Variants in FRMD4B observed in about 807,000 individuals in gnomAD.
FRMD4B encodes the protein FERM domain containing 4B, also known as FERM domain-containing protein 4B.
In FRMD4B, 74 loss-of-function variants were observed where a neutral mutation model predicts 141.5. That is an observed-to-expected ratio of 0.52 (90% CI 0.43 to 0.63). The LOEUF (loss-of-function observed/expected upper bound fraction) is 0.63. Among genes scored for constraint, FRMD4B ranks in the 30% least tolerant of loss-of-function variants. The pLI, the probability that FRMD4B is intolerant of heterozygous loss-of-function variation, is 0.00. For missense variants in FRMD4B, 1,366 were observed against 1,253.4 expected (o/e 1.09, Z -1.36); for synonymous variants, 506 against 467.9 (o/e 1.08, Z -1.05).
Position 69,195,951 on chromosome 3 carries a change from C to A in FRMD4B, c.1234+304G>T, listed in dbSNP as rs77444823. 8.4e-3 allele frequency among the ~76,000 whole-genome samples: 1,285 copies of A among 152,198 alleles called. 9 individuals carry two copies. Among genetic ancestry groups the A allele is most frequent in the Middle Eastern group, 0.024 (7 of 294 alleles). On this transcript the variant is annotated intron_variant, in intron 14 of 22. Transcript: ENST00000398540. ...ATTGCATGGAGAATTAGACAATTAT[C>A]TGTATCAAAAACTGAATGCTGGAAA...
chr3:69,491,399 G>A lies in FRMD4B; in HGVS notation c.-129+50807C>T, dbSNP rs183285759. ...GAAAAAAGAAAGAAAAAGATAAGAT[G>A]AGAAGAAAATGTTTTAAAATAAAAA... On this transcript the variant is annotated intron_variant, in intron 1 of 5. Coordinates refer to the FRMD4B transcript ENST00000459638. Among the ~76,000 whole-genome samples, 6 of 152,186 alleles carry A rather than the reference G, an allele frequency of 3.9e-5. No homozygotes were observed. In the East Asian group the frequency reaches 1.2e-3, roughly 29 times the overall value.
intron 1 of FRMD4B, among the ~76,000 whole-genome samples, chr3:69,467,711 C>A (rs76664756): frequency 6.6e-6 from 1 of 152,134 alleles, no homozygotes; most frequent in African/African-American, 2.4e-5. Context: ...CTAGTATATA[C>A]CTCCCAACTC....
At chr3:69,474,701 T>TTG (rs10663128) in intron 1 of FRMD4B, among the ~76,000 whole-genome samples, 29,362 of 152,134 alleles carry the variant, frequency 0.19, 3,490 homozygotes, top group African/African-American at 0.34. Context: ...GCTGCCGATC[T>TTG]TGTGTGCTAT....
At chr3:69,318,672 C>G (rs1208738604) in intron 1 of FRMD4B, among the ~76,000 whole-genome samples, 1 of 152,194 alleles carries the variant, frequency 6.6e-6, no homozygotes, top group Non-Finnish European at 1.5e-5. Context: ...GCCCTTGTCA[C>G]TTATTTAAAT....
intron 2 of FRMD4B, among the ~76,000 whole-genome samples, chr3:69,401,593 G>A (rs578198544): frequency 3.9e-5 from 6 of 151,984 alleles, no homozygotes; most frequent in East Asian, 1.9e-4. Flanking sequence ...TCTGCCACCC[G>A]GGCTGAAGTG....
chr3:69,351,514 C>T (rs761680201), intron 1 of FRMD4B, among the ~76,000 whole-genome samples: 17 of 152,154 alleles, frequency 1.1e-4, no homozygotes, highest in Non-Finnish European at 1.8e-4. Flanking sequence ...CTTTTGCACA[C>T]CTGTGCACAG....
At chr3:69,394,139 A>C (rs563701422) in intron 2 of FRMD4B, among the ~76,000 whole-genome samples, 8 of 152,368 alleles carry the variant, frequency 5.3e-5, no homozygotes, top group African/African-American at 1.9e-4. Flanking sequence ...GCTGGGAAGT[A>C]CAAGATCAAG....
At chr3:69,335,386 T>C (rs1310567303) in intron 1 of FRMD4B, among the ~76,000 whole-genome samples, 1 of 151,276 alleles carries the variant, frequency 6.6e-6, no homozygotes, top group Non-Finnish European at 1.5e-5. Flanking sequence ...TTTTTTTTTT[T>C]TTCCGAGACA....
chr3:69,474,715 T>A (rs569112422), intron 1 of FRMD4B, among the ~76,000 whole-genome samples: 1 of 152,160 alleles, frequency 6.6e-6, no homozygotes, highest in Non-Finnish European at 1.5e-5. Flanking sequence ...GTGCTATTAC[T>A]CATCCATTCA....
At chr3:69,208,355 C>G (rs750370102) in intron 11 of FRMD4B, among the ~76,000 whole-genome samples, 34 of 152,004 alleles carry the variant, frequency 2.2e-4, no homozygotes, top group Middle Eastern at 3.2e-3. Context: ...TGAGCCACCA[C>G]GCCTGGCCTA....
At chr3:69,266,371 G>A (rs1446185201) in intron 5 of FRMD4B, among the ~76,000 whole-genome samples, 3 of 152,178 alleles carry the variant, frequency 2.0e-5, no homozygotes, top group Non-Finnish European at 2.9e-5. Flanking sequence ...TGCCGCCCAG[G>A]CTGGAGTGTG....
intron 7 of FRMD4B, among the ~76,000 whole-genome samples, chr3:69,235,497 A>G (rs895280981): frequency 4.0e-5 from 6 of 151,836 alleles, no homozygotes; most frequent in African/African-American, 1.2e-4. Flanking sequence ...TGTCTCTACT[A>G]AAAATACAAA....
intron 1 of FRMD4B, among the ~76,000 whole-genome samples, chr3:69,350,737 C>T (rs1703114325): frequency 6.7e-6 from 1 of 150,340 alleles, no homozygotes; most frequent in Non-Finnish European, 1.5e-5. Flanking sequence ...AATAACCAAA[C>T]ACTGCATGTT....
chr3:69,540,636 A>ATAT (rs869069411), intron 1 of FRMD4B, among the ~76,000 whole-genome samples: 9 of 69,536 alleles, frequency 1.3e-4, no homozygotes, highest in South Asian at 9.2e-4. Flanking sequence ...AAAAAAAAAA[A>ATAT]ATATATATAT....
intron 2 of FRMD4B, among the ~76,000 whole-genome samples, chr3:69,393,081 T>C (rs1220540747): frequency 6.6e-6 from 1 of 152,148 alleles, no homozygotes; most frequent in Non-Finnish European, 1.5e-5. Context: ...GCTGCCTTCA[T>C]GACTATGAAT....
At chr3:69,357,148 T>G (rs866891059) in intron 1 of FRMD4B, among the ~76,000 whole-genome samples, 3 of 152,106 alleles carry the variant, frequency 2.0e-5, no homozygotes, top group Admixed American at 6.5e-5. Flanking sequence ...AGGGATTCAG[T>G]CGTGAGGAAA....
At chr3:69,481,272 T>C (rs1235629020) in intron 1 of FRMD4B, among the ~76,000 whole-genome samples, 2 of 152,254 alleles carry the variant, frequency 1.3e-5, no homozygotes, top group Admixed American at 6.5e-5. Context: ...GTACCTCAGA[T>C]GGAAATGCAG....
At chr3:69,231,297 T>C (rs1000478507) in intron 7 of FRMD4B, among the ~76,000 whole-genome samples, 3 of 152,114 alleles carry the variant, frequency 2.0e-5, no homozygotes, top group Non-Finnish European at 2.9e-5. Context: ...ATCCTTTTTT[T>C]CTCCTTATTT....
At chr3:69,294,473 A>C (rs1224754884) in intron 4 of FRMD4B, among the ~76,000 whole-genome samples, 1 of 152,228 alleles carries the variant, frequency 6.6e-6, no homozygotes, top group African/African-American at 2.4e-5. Flanking sequence ...GGAGGGGAAC[A>C]GTCTTGGAGA....
Sources: allele counts gnomAD v4.1 joint callset (sites outside exome capture counted in the v4.1 genomes callset), GRCh38; gene constraint gnomAD v4.1.1; transcripts MANE v1.5; gene names NCBI Gene and HGNC (gene_info 2026-07-23, HGNC 2026-07-21).